Variants in C5 observed in about 807,000 individuals in gnomAD.
The protein encoded by C5 is complement C5.
Under a neutral mutation model 218.8 loss-of-function variants are expected in C5, and 140 were observed. That is an observed-to-expected ratio of 0.64 (90% CI 0.56 to 0.74). C5 has a LOEUF of 0.74. Among genes scored for constraint, C5 ranks in the 30% least tolerant of loss-of-function variants. C5 has a pLI of 0.00. For missense variants in C5, 1,700 were observed against 1,969.6 expected, an observed-to-expected ratio of 0.86 and a Z score of 2.59; for synonymous variants, 614 against 682.3, an observed-to-expected ratio of 0.90 and a Z score of 1.56.
chr9:121,004,511 T>C (rs10760136), intron 20 of C5, among the ~76,000 whole-genome samples: 92,375 of 152,032 alleles, frequency 0.61, 28,361 homozygotes, highest in East Asian at 0.81. Flanking sequence ...CAGTTCCTCA[T>C]GCTTGTAATC....
intron 3 of C5, among the ~76,000 whole-genome samples, chr9:121,039,562 G>GGGATTC (rs2047559046): frequency 6.6e-6 from 1 of 152,100 alleles, no homozygotes; most frequent in South Asian, 2.1e-4. Context: ...GCTTGAACCT[G>GGGATTC]GGAGGCGGAG....
In C5 at chr9:121,021,518, C is replaced by G. The variant is rs2047364732; in HGVS notation, c.1293G>C (p.Leu431=). ...GGAGAATTCAGCTCACATTAAACTC[C>G]AGCACCGTCACTCCAGATGGGAGAT... ...VLNLPSGVTV[L]EFNVKTDAPD... The change falls in exon 11 of 41, where the codon CTG becomes CTC. Residue 431 remains leucine (L), a synonymous_variant. Coordinates refer to ENST00000223642, the MANE Select transcript of C5 (RefSeq NM_001735.3). The G allele has an allele frequency of 1.2e-6, 2 of 1,612,870 alleles. No individual in the cohort carries two copies. Among genetic ancestry groups the G allele is most frequent in the Non-Finnish European group, 8.5e-7 (1 of 1,178,940 alleles).
intron 10 of C5, among the ~76,000 whole-genome samples, chr9:121,022,077 TC>T (rs1339193495): frequency 2.6e-5 from 4 of 152,180 alleles, no homozygotes; most frequent in African/African-American, 9.6e-5. Flanking sequence ...GAATAGATTC[TC>T]CCATAAATCA....
chr9:121,013,788 C>T, intron 17 of C5, 85 bp downstream of exon 17: 2 of 1,161,742 alleles, frequency 1.7e-6, no homozygotes, highest in Non-Finnish European at 2.6e-6. Flanking sequence ...CTAAATAGAT[C>T]ATGAAAACTG....
chr9:121,004,719 G>A (rs772731234), intron 20 of C5, among the ~76,000 whole-genome samples: 2 of 152,122 alleles, frequency 1.3e-5, no homozygotes, highest in South Asian at 4.2e-4. Flanking sequence ...TTTGCAGTGA[G>A]CGGAGATCGC....
the C5 span, among the ~76,000 whole-genome samples, chr9:121,066,311 TAAA>T: frequency 1.6e-4 from 10 of 64,216 alleles, no homozygotes; most frequent in Admixed American, 6.5e-4. Context: ...GACTCCATCT[TAAA>T]AAAAAAAAAA....
At chr9:120,960,537 A>G (rs2046819507) in intron 37 of C5, among the ~76,000 whole-genome samples, 200 bp from the exon 38 acceptor site, 1 of 152,254 alleles carries the variant, frequency 6.6e-6, no homozygotes, top group South Asian at 2.1e-4. Flanking sequence ...AAAAACAAAA[A>G]ACAAAATCTT....
At chr9:121,050,575 G>A (rs939873629), upstream of C5, among the ~76,000 whole-genome samples, 1 of 152,142 alleles carries the variant, frequency 6.6e-6, no homozygotes, top group African/African-American at 2.4e-5. Context: ...CTTGCCCAGG[G>A]CATTTGCTTT....
At chr9:121,009,530 G>A (rs561326310) in intron 17 of C5, among the ~76,000 whole-genome samples, 1 of 152,320 alleles carries the variant, frequency 6.6e-6, no homozygotes, top group South Asian at 2.1e-4. Flanking sequence ...CTATCCAGCT[G>A]AAGCCAAGCC....
chr9:120,963,400 G>A (rs763934676), intron 34 of C5, among the ~76,000 whole-genome samples: 1 of 151,892 alleles, frequency 6.6e-6, no homozygotes, highest in African/African-American at 2.4e-5. Context: ...CCAGCTACTC[G>A]GGAGGCTGAG....
At chr9:120,974,381 C>T (rs943319106) in intron 30 of C5, among the ~76,000 whole-genome samples, 19 of 152,308 alleles carry the variant, frequency 1.2e-4, no homozygotes, top group Admixed American at 8.5e-4. Context: ...CTGCTCTGTG[C>T]GCTGTTATCT....
chr9:121,060,402 T>C, the C5 span, among the ~76,000 whole-genome samples: 2 of 152,176 alleles, frequency 1.3e-5, no homozygotes, highest in Non-Finnish European at 2.9e-5. Context: ...CTGCTTTGCC[T>C]TCTTCTTAAG....
chr9:121,061,846 T>C, the C5 span, among the ~76,000 whole-genome samples: 1 of 152,202 alleles, frequency 6.6e-6, no homozygotes, highest in Non-Finnish European at 1.5e-5. Flanking sequence ...GCTGTTTTTA[T>C]TTTACTTTTT....
rs1392170123 is a variant in C5 at position 121,025,265 on chromosome 9, A to C, written c.1000+189T>G. Among the ~76,000 whole-genome samples the C allele has an allele frequency of 2.6e-5, 4 of 152,322 alleles. No individual in the cohort carries two copies. In the East Asian group the frequency reaches 5.8e-4, roughly 22 times the overall value. ...AATGGCTTGTCCAATGACTAAAAAG[A>C]AGCAGAGCCCTACTGCCTTTTTATA... On this transcript the variant is annotated intron_variant, in intron 9 of 40. Coordinates refer to ENST00000223642, the MANE Select transcript of C5 (RefSeq NM_001735.3).
At position 121,043,004 on chromosome 9, in the gene C5, C is replaced by G. The variant is rs1053064557; in HGVS notation, c.421G>C (p.Val141Leu). The change falls in exon 3 of 41, where the codon GTA becomes CTA. Residue 141 changes from valine to leucine, a missense_variant and splice_region_variant. Physicochemically the swap from Val to Leu is conservative, Grantham distance 32. Transcript: ENST00000223642. ...GAGGAAGAAATATCTTATAATCTACCTGACTGGTCTGGAGTATAAACAGGT... is the reference window on the plus strand; with the variant it reads ...GAGGAAGAAATATCTTATAATCTACGTGACTGGTCTGGAGTATAAACAGGT... Reference protein sequence around the residue: ...DKPVYTPDQSVKVRVYSLNDD... With the variant: ...DKPVYTPDQSLKVRVYSLNDD... 1.2e-6 allele frequency: 2 copies of G among 1,609,572 alleles called. No homozygotes were observed. Among genetic ancestry groups the G allele is most frequent in the Admixed American group, 1.7e-5 (1 of 59,990 alleles).
chr9:121,058,743 T>C, the C5 span, among the ~76,000 whole-genome samples: 4 of 152,250 alleles, frequency 2.6e-5, no homozygotes, highest in African/African-American at 4.8e-5. Flanking sequence ...CCGGCCTTTT[T>C]TGTCTGTAAC....
chr9:120,963,679 G>A lies in C5; in HGVS notation c.4280C>T (p.Ser1427Phe). Residue 1427 changes from serine (S) to phenylalanine (F), a missense_variant, in exon 34 of 41, where the codon TCC (serine) becomes TTC (phenylalanine). Transcript: ENST00000223642. ...SGSSHAVMDISLPTGISANEE... is the reference protein window; with the variant it reads ...SGSSHAVMDIFLPTGISANEE... ...ATTTGCACTGATTCCAGTAGGCAAG[G>A]AGATGTCCATCACCGCATGAGAGGA... 6.2e-7 allele frequency: 1 copy of A among 1,614,022 alleles called. No homozygotes were observed. The highest frequency in any genetic ancestry group is 8.5e-7 in the Non-Finnish European group (1 of 1,179,910).
chr9:121,035,988 T>C (rs989745658), intron 4 of C5, among the ~76,000 whole-genome samples: 1 of 151,748 alleles, frequency 6.6e-6, no homozygotes, highest in African/African-American at 2.4e-5. Context: ...AGTTTGAGGC[T>C]ACAGTGAGCT....
At chr9:121,024,667 A>G (rs1186026865) in intron 9 of C5, among the ~76,000 whole-genome samples, 1 of 152,146 alleles carries the variant, frequency 6.6e-6, no homozygotes, top group African/African-American at 2.4e-5. Flanking sequence ...TTATTTTTCA[A>G]GACTGATCAT....
Sources: allele counts gnomAD v4.1 joint callset (sites outside exome capture counted in the v4.1 genomes callset), GRCh38; gene constraint gnomAD v4.1.1; transcripts MANE v1.5; gene names NCBI Gene and HGNC (gene_info 2026-07-23, HGNC 2026-07-21).